Variants in SEMA6D observed in about 807,000 individuals in gnomAD.
SEMA6D encodes the protein semaphorin-6D.
A neutral mutation model predicts 106.6 loss-of-function variants in SEMA6D; 35 were observed. The observed-to-expected ratio is 0.33, with a 90% confidence interval of 0.25 to 0.44. The LOEUF is 0.44. Ranked by LOEUF, SEMA6D falls within the 20% of genes least tolerant of loss-of-function variation. SEMA6D has a pLI of 1.00. For synonymous variants in SEMA6D, 499 were observed against 487.7 expected (o/e 1.02, Z -0.31); for missense variants, 1,185 against 1,345.9 (o/e 0.88, Z 1.87).
chr15:47,462,639 GA>G (rs1486474507), intron 2 of SEMA6D, among the ~76,000 whole-genome samples: 1 of 152,052 alleles, frequency 6.6e-6, no homozygotes, highest in Non-Finnish European at 1.5e-5. Flanking sequence ...TTTTCAGATA[GA>G]AACAAAAACA....
chr15:47,248,347 T>G (rs2033316099), intron 1 of SEMA6D, among the ~76,000 whole-genome samples: 1 of 152,054 alleles, frequency 6.6e-6, no homozygotes, highest in Non-Finnish European at 1.5e-5. Context: ...AACATTAACG[T>G]GAAGAAAACA....
At chr15:47,565,176 C>T (rs1370564139) in intron 3 of SEMA6D, among the ~76,000 whole-genome samples, 1 of 152,204 alleles carries the variant, frequency 6.6e-6, no homozygotes, top group Non-Finnish European at 1.5e-5. Context: ...TAAAAGAGCA[C>T]CGTAACATGC....
chr15:47,506,245 A>G (rs1404780628), intron 3 of SEMA6D, among the ~76,000 whole-genome samples: 1 of 152,144 alleles, frequency 6.6e-6, no homozygotes, highest in Non-Finnish European at 1.5e-5. Flanking sequence ...CCTGTGCTTC[A>G]AAAATGCTTA....
At chr15:47,691,609 G>A (rs2078587718) in intron 4 of SEMA6D, among the ~76,000 whole-genome samples, 1 of 152,096 alleles carries the variant, frequency 6.6e-6, no homozygotes, top group South Asian at 2.1e-4. Context: ...TAAATATAAG[G>A]TTTCCATGTA....
At chr15:47,767,815 G>A (rs929569009) in intron 17 of SEMA6D, among the ~76,000 whole-genome samples, 4 of 152,148 alleles carry the variant, frequency 2.6e-5, no homozygotes, top group African/African-American at 9.7e-5. Context: ...GTTAACTCCC[G>A]GTCCTATTGC....
chr15:47,428,628 C>G (rs2041424495), intron 2 of SEMA6D, among the ~76,000 whole-genome samples: 1 of 151,828 alleles, frequency 6.6e-6, no homozygotes, highest in African/African-American at 2.4e-5. Context: ...AAAAAAGATA[C>G]CTGGCCATGA....
At position 47,771,372 on chromosome 15, in the gene SEMA6D, C is replaced by T. The variant is rs267604237; in HGVS notation, c.2809C>T (p.Pro937Ser). 6.2e-7 allele frequency: 1 copy of T among 1,614,038 alleles called. No individual in the cohort carries two copies. The highest frequency in any genetic ancestry group is 8.5e-7 in the Non-Finnish European group (1 of 1,179,972). The stretch of plus-strand genomic sequence containing the variant: ...GCTATACTCCCCTCCTTCAACTCTC[C>T]CCAGAAATAGCCCAACCAAGCGAGT... ...ASLYSPPSTL[P>S]RNSPTKRVDV... The change falls in exon 19 of 19, where the codon CCC becomes TCC. Residue 937 changes from proline (P) to serine (S), a missense_variant. By Grantham distance (74) the Pro-to-Ser change is moderately conservative (BLOSUM62 -1). Around this residue, in one of 3 missense-constraint regions of SEMA6D, gnomAD observed 750 missense variants for 783.5 expected, o/e 0.96. Transcript: ENST00000536845.
At chr15:47,242,492 TA>T (rs1284984512) in intron 1 of SEMA6D, among the ~76,000 whole-genome samples, 40 of 152,158 alleles carry the variant, frequency 2.6e-4, no homozygotes, top group Admixed American at 2.6e-3. Flanking sequence ...CTCAATCAAG[TA>T]AAACTTCATG....
chr15:47,540,748 G>A (rs1435697371), intron 3 of SEMA6D, among the ~76,000 whole-genome samples: 1 of 152,206 alleles, frequency 6.6e-6, no homozygotes, highest in Non-Finnish European at 1.5e-5. Context: ...GAAGGGACAA[G>A]TAGAGCTGCC....
intron 4 of SEMA6D, among the ~76,000 whole-genome samples, chr15:47,687,035 C>A (rs1323214758): frequency 7.1e-6 from 1 of 140,848 alleles, no homozygotes; most frequent in African/African-American, 2.6e-5. Context: ...CACTGTATTT[C>A]AGCCTAGGTG....
At chr15:47,249,504 G>A (rs2033392995) in intron 1 of SEMA6D, among the ~76,000 whole-genome samples, 1 of 150,054 alleles carries the variant, frequency 6.7e-6, no homozygotes, top group African/African-American at 2.5e-5. Context: ...CACCCCCCAT[G>A]CTCCAAGAAG....
At chr15:47,332,680 G>A (rs977702327) in intron 1 of SEMA6D, among the ~76,000 whole-genome samples, 7 of 152,162 alleles carry the variant, frequency 4.6e-5, no homozygotes, top group Admixed American at 1.3e-4. Flanking sequence ...TTCTTAAGGA[G>A]TGATATGGGT....
At chr15:47,765,336 A>G in intron 13 of SEMA6D, 9 of 1,199,614 alleles carry the variant, frequency 7.5e-6, no homozygotes, top group Non-Finnish European at 9.4e-6. Context: ...TCTTGCAGAT[A>G]TATTCCAAGA....
intron 4 of SEMA6D, among the ~76,000 whole-genome samples, chr15:47,612,409 G>A (rs899325031): frequency 1.3e-5 from 2 of 152,146 alleles, no homozygotes; most frequent in Non-Finnish European, 1.5e-5. Context: ...TTCCTTTGGG[G>A]CAAAGTTAAC....
intron 4 of SEMA6D, among the ~76,000 whole-genome samples, chr15:47,680,649 C>G (rs2078333686): frequency 6.6e-6 from 1 of 152,090 alleles, no homozygotes; most frequent in South Asian, 2.1e-4. Flanking sequence ...TAAACAATTA[C>G]TAGATGGTGT....
At chr15:47,569,665 A>G (rs1228757339) in intron 3 of SEMA6D, among the ~76,000 whole-genome samples, 2 of 152,216 alleles carry the variant, frequency 1.3e-5, no homozygotes, top group Non-Finnish European at 2.9e-5. Context: ...CTTTAAAGGA[A>G]TACAAAAGCT....
At chr15:47,227,361 G>A (rs2031753374) in intron 1 of SEMA6D, among the ~76,000 whole-genome samples, 1 of 150,022 alleles carries the variant, frequency 6.7e-6, no homozygotes, top group Non-Finnish European at 1.5e-5. Context: ...TTTGTGATGT[G>A]TCTCTTCCTT....
intron 1 of SEMA6D, among the ~76,000 whole-genome samples, chr15:47,756,450 A>G (rs571297999): frequency 1.3e-5 from 2 of 152,292 alleles, no homozygotes; most frequent in South Asian, 2.1e-4. Context: ...GATGCCTCAT[A>G]CTGATTATCT....
chr15:47,614,273 G>A (rs1056146632), intron 4 of SEMA6D, among the ~76,000 whole-genome samples: 12 of 152,130 alleles, frequency 7.9e-5, no homozygotes, highest in African/African-American at 2.7e-4. Context: ...ATCAAGATTC[G>A]CAGTGTCCAT....
Sources: gnomAD v4.1 joint callset for allele counts (sites outside exome capture counted in the v4.1 genomes callset) on GRCh38, gnomAD v4.1.1 for gene constraint, gnomAD v4.1.1 regional missense constraint, MANE v1.5 for transcripts, NCBI Gene and HGNC (gene_info 2026-07-23, HGNC 2026-07-21) for gene names.